The following ATRNL1 variants were observed in gnomAD, a reference collection of about 807,000 sequenced individuals.
The protein encoded by ATRNL1 is attractin like 1, also known as attractin-like protein 1.
A neutral mutation model predicts 182.7 loss-of-function variants in ATRNL1; 95 were observed. That is an observed-to-expected ratio of 0.52 (90% CI 0.44 to 0.62). The LOEUF is 0.62. Among genes scored for constraint, ATRNL1 ranks in the 20% least tolerant of loss-of-function variants. The pLI is 0.00. For missense variants in ATRNL1, 1,471 were observed against 1,679.5 expected, an observed-to-expected ratio of 0.88 and a Z score of 2.17; for synonymous variants, 576 against 568.3, an observed-to-expected ratio of 1.01 and a Z score of -0.19.
intron 3 of ATRNL1, among the ~76,000 whole-genome samples, chr10:115,125,610 C>T (rs1037632277): frequency 6.6e-6 from 1 of 151,912 alleles, no homozygotes; most frequent in Non-Finnish European, 1.5e-5. Context: ...GCAGAGACTA[C>T]CTGGGGACAC....
chr10:115,482,490 T>C (rs1380507223), intron 24 of ATRNL1, among the ~76,000 whole-genome samples: 1 of 150,980 alleles, frequency 6.6e-6, no homozygotes, highest in Admixed American at 6.6e-5. Flanking sequence ...ATTAATATAT[T>C]TATAATACTG....
chr10:115,565,362 C>G (rs1854013964), intron 26 of ATRNL1, among the ~76,000 whole-genome samples: 1 of 151,832 alleles, frequency 6.6e-6, no homozygotes, highest in African/African-American at 2.4e-5. Context: ...TAAAAAAAGG[C>G]TTCTGCTACT....
chr10:115,324,974 G>T (rs146075977), intron 18 of ATRNL1, among the ~76,000 whole-genome samples: 39 of 152,146 alleles, frequency 2.6e-4, no homozygotes, highest in African/African-American at 8.4e-4. Context: ...TATATGTGTT[G>T]AAAAATGCTT....
At chr10:115,594,009 G>T (rs1856075504) in intron 26 of ATRNL1, among the ~76,000 whole-genome samples, 1 of 151,810 alleles carries the variant, frequency 6.6e-6, no homozygotes, top group African/African-American at 2.4e-5. Flanking sequence ...CATATTATTA[G>T]GTCAGTAAGA....
In ATRNL1 at chr10:115,394,740, A is replaced by C; in HGVS notation, c.3257A>C (p.Asp1086Ala). The stretch of plus-strand genomic sequence containing the variant: ...TGCACAACTAAAGGAATAAAAGGTG[A>C]CCAATGCCAATTGTAAGTAAGAATG... ...CFCTTKGIKG[D>A]QCQLCDSENR... The change falls in exon 20 of 29, where the codon GAC becomes GCC. Residue 1086 changes from aspartate to alanine, a missense_variant. This residue lies in a region of ATRNL1 where 437 missense variants were observed against 506.0 expected (regional missense o/e 0.86). Coordinates refer to ENST00000355044, the MANE Select transcript of ATRNL1 (RefSeq NM_207303.4). The C allele has an allele frequency of 6.3e-7, 1 of 1,599,146 alleles. No homozygotes were observed. The highest frequency in any genetic ancestry group is 1.1e-5 in the South Asian group (1 of 88,666).
At chr10:115,329,697 A>G (rs1554934455) in intron 18 of ATRNL1, among the ~76,000 whole-genome samples, 1 of 142,706 alleles carries the variant, frequency 7.0e-6, no homozygotes, top group Non-Finnish European at 1.6e-5. Flanking sequence ...AAGTATAGTT[A>G]ATCCTACTTA....
chr10:115,653,438 G>T (rs1045672489), intron 26 of ATRNL1, among the ~76,000 whole-genome samples: 2 of 152,026 alleles, frequency 1.3e-5, no homozygotes, highest in Non-Finnish European at 2.9e-5. Flanking sequence ...AACTGGCTTT[G>T]CTCTGAACCC....
chr10:115,896,405 G>A (rs782183902), intron 28 of ATRNL1, among the ~76,000 whole-genome samples: 1 of 151,758 alleles, frequency 6.6e-6, no homozygotes, highest in Admixed American at 6.6e-5. Flanking sequence ...CGAAGCAAGT[G>A]TAAATAGTTA....
intron 26 of ATRNL1, among the ~76,000 whole-genome samples, chr10:115,612,921 G>A (rs1036641766): frequency 5.3e-5 from 8 of 152,096 alleles, no homozygotes; most frequent in Non-Finnish European, 1.2e-4. Context: ...TTCTCCAAAA[G>A]CATTGCTGAT....
chr10:115,729,060 AAAG>A (rs1261023544), intron 27 of ATRNL1, among the ~76,000 whole-genome samples: 2 of 152,152 alleles, frequency 1.3e-5, no homozygotes, highest in Non-Finnish European at 2.9e-5. Context: ...CACATAGACT[AAAG>A]AAGAAAAGAA....
At chr10:115,484,348 G>A (rs929211999) in intron 24 of ATRNL1, among the ~76,000 whole-genome samples, 5 of 150,858 alleles carry the variant, frequency 3.3e-5, no homozygotes, top group Non-Finnish European at 7.4e-5. Context: ...TTTTATCTCA[G>A]GTCTTGTTTG....
intron 26 of ATRNL1, among the ~76,000 whole-genome samples, chr10:115,721,916 AC>A (rs1470039398): frequency 1.3e-5 from 2 of 152,152 alleles, no homozygotes; most frequent in Non-Finnish European, 2.9e-5. Context: ...CCAAATAGCA[AC>A]CCCAAATAAC....
At chr10:115,103,584 A>G (rs1183604502) in intron 1 of ATRNL1, among the ~76,000 whole-genome samples, 3 of 152,186 alleles carry the variant, frequency 2.0e-5, no homozygotes, top group Non-Finnish European at 4.4e-5. Context: ...TAACCACATC[A>G]GGGTAAATAG....
chr10:115,565,721 A>G (rs1053911176), intron 26 of ATRNL1, among the ~76,000 whole-genome samples: 2 of 152,130 alleles, frequency 1.3e-5, no homozygotes, highest in Non-Finnish European at 2.9e-5. Context: ...CAAACTATGT[A>G]AGATTATAAT....
At chr10:115,911,153 C>T (rs569114662) in intron 28 of ATRNL1, among the ~76,000 whole-genome samples, 2 of 151,892 alleles carry the variant, frequency 1.3e-5, no homozygotes, top group African/African-American at 2.4e-5. Context: ...CAGGCACCAC[C>T]GTGCTCAGCT....
intron 3 of ATRNL1, among the ~76,000 whole-genome samples, chr10:115,123,426 A>C (rs2143648808): frequency 6.6e-6 from 1 of 152,348 alleles, no homozygotes; most frequent in African/African-American, 2.4e-5. Context: ...TTAAAAGCAT[A>C]TGCTGTTTGT....
chr10:115,591,742 T>C (rs1052664792), intron 26 of ATRNL1, among the ~76,000 whole-genome samples: 1 of 152,178 alleles, frequency 6.6e-6, no homozygotes, highest in Admixed American at 6.5e-5. Flanking sequence ...CTCACTTATT[T>C]CAGCCACATG....
chr10:115,276,660 T>A (rs1316700462), intron 13 of ATRNL1, among the ~76,000 whole-genome samples: 1 of 152,202 alleles, frequency 6.6e-6, no homozygotes, highest in Admixed American at 6.5e-5. Flanking sequence ...TTCATATAGG[T>A]CAAACAATGT....
At chr10:115,864,050 A>G (rs1297735104) in intron 28 of ATRNL1, among the ~76,000 whole-genome samples, 1 of 152,114 alleles carries the variant, frequency 6.6e-6, no homozygotes, top group African/African-American at 2.4e-5. Context: ...TAAAGAATAG[A>G]TAGTTCGAGA....
Sources: allele counts gnomAD v4.1 joint callset (sites outside exome capture counted in the v4.1 genomes callset), GRCh38; gene constraint gnomAD v4.1.1; regional missense constraint gnomAD v4.1.1; transcripts MANE v1.5; gene names NCBI Gene and HGNC (gene_info 2026-07-23, HGNC 2026-07-21).